The following AHNAK2 variants were observed in gnomAD, a reference collection of about 807,000 sequenced individuals.
The protein encoded by AHNAK2 is protein AHNAK2.
In AHNAK2, 18 loss-of-function variants were observed where a neutral mutation model predicts 30.7. The ratio of observed to expected loss-of-function variants is 0.59; its 90% CI spans 0.41 to 0.87. The LOEUF is 0.87. Ranked by LOEUF, AHNAK2 falls within the 40% of genes least tolerant of loss-of-function variation. The pLI is 0.00. For synonymous variants in AHNAK2, 3,590 were observed against 3,073.8 expected (o/e 1.17, Z -5.56); for missense variants, 8,604 against 7,373.0 (o/e 1.17, Z -6.11).
Position 104,945,131 on chromosome 14 carries a change from C to G in AHNAK2, c.10320G>C (p.Glu3440Asp). 3 of 1,613,336 alleles carry G rather than the reference C, an allele frequency of 1.9e-6. No individual in the cohort carries two copies. The highest frequency in any genetic ancestry group is 2.5e-6 in the Non-Finnish European group (3 of 1,179,778). ...PDVEVSLPSVEVDVQAPRAKL... is the reference protein window; with the variant it reads ...PDVEVSLPSVDVDVQAPRAKL... ...TGGCTCTCGGGGCCTGGACGTCCACCTCCACGCTGGGCAGAGACACCTCCA... is the reference window on the plus strand; with the variant it reads ...TGGCTCTCGGGGCCTGGACGTCCACGTCCACGCTGGGCAGAGACACCTCCA... The change falls in exon 7 of 7, where the codon GAG (glutamate) becomes GAC (aspartate). Residue 3440 changes from glutamate to aspartate, a missense_variant. Glu to Asp is a conservative substitution (Grantham distance 45). Coordinates refer to ENST00000333244, the MANE Select transcript of AHNAK2 (RefSeq NM_138420.4).
rs1898168559 is a variant in AHNAK2 at position 104,944,793 on chromosome 14, T to C, written c.10658A>G (p.Lys3553Arg). 1 of 1,612,870 alleles carries C rather than the reference T, an allele frequency of 6.2e-7. No individual in the cohort carries two copies. The highest frequency in any genetic ancestry group is 1.3e-5 in the African/African-American group (1 of 74,758). Residue 3553 changes from lysine (K) to arginine (R), a missense_variant, in exon 7 of 7, where the codon AAA becomes AGA. Transcript: ENST00000333244. The stretch of plus-strand genomic sequence containing the variant: ...CATCTCCACTTTGGGCAGGTGCCCT[T>C]TGAGGCCGGCTCCCTCGGGCACGGG... ...EGPVPEGAGL[K>R]GHLPKVEMPS...
chr14:104,951,520 C>T lies in AHNAK2; in HGVS notation c.3931G>A (p.Asp1311Asn), dbSNP rs560376223. The T allele has an allele frequency of 8.0e-7, 1 of 1,247,946 alleles. No homozygotes were observed. Among genetic ancestry groups the T allele is most frequent in the East Asian group, 2.2e-5 (1 of 44,480 alleles). The allele number at this position is 1,247,946 out of a possible 1,614,324, so 77.3% of individuals were successfully genotyped here. ...PGAKLDGAQL[D>N]GDLSLADKDV... ...TTGTCAGCCAGGGACAGGTCCCCGT[C>T]CAGCTGTGCGCCATCCAACTTGGCT... Residue 1311 changes from aspartate to asparagine, a missense_variant, in exon 7 of 7, where the codon GAC (aspartate) becomes AAC (asparagine). Transcript: ENST00000333244.
chr14:104,964,482 G>A (rs967219817), intron 1 of AHNAK2, among the ~76,000 whole-genome samples: 2 of 151,974 alleles, frequency 1.3e-5, no homozygotes, highest in Non-Finnish European at 2.9e-5. Flanking sequence ...AGAAATATGC[G>A]CACATATGTC....
At position 104,950,488 on chromosome 14, in the gene AHNAK2, C is replaced by A; in HGVS notation, c.4963G>T (p.Asp1655Tyr). 6.3e-7 allele frequency: 1 copy of A among 1,586,994 alleles called. No homozygotes were observed. The highest frequency in any genetic ancestry group is 2.3e-5 in the East Asian group (1 of 44,210). The change falls in exon 7 of 7, where the codon GAC (aspartate) becomes TAC (tyrosine). Residue 1655 changes from aspartate to tyrosine, a missense_variant. Transcript: ENST00000333244. Reference protein sequence around the residue: ...SLADKAVTAKDSKFKMPKFKM... With the variant: ...SLADKAVTAKYSKFKMPKFKM... ...AACTTGGGCATTTTGAACTTGCTGT[C>A]TTTGGCAGTCACCGCCTTGTCGGCC...
chr14:104,951,660 G>A lies in AHNAK2; in HGVS notation c.3791C>T (p.Pro1264Leu). Residue 1264 changes from proline to leucine, a missense_variant, in exon 7 of 7, where the codon CCC (proline) becomes CTC (leucine). By Grantham distance (98) the Pro-to-Leu change is moderately conservative (BLOSUM62 -3). Transcript: ENST00000333244. ...LKMPKVDLKG[P>L]QVEVRGPKLD... ...CTTGGGGCCCCTGACTTCCACCTGGGGGCCCTTGAGGTCCACTTTGGGCAT... is the reference window on the plus strand; with the variant it reads ...CTTGGGGCCCCTGACTTCCACCTGGAGGCCCTTGAGGTCCACTTTGGGCAT... The A allele has an allele frequency of 2.4e-6, 3 of 1,246,408 alleles. 1 individual carries two copies. The highest frequency in any genetic ancestry group is 3.4e-6 in the Non-Finnish European group (3 of 880,800). The allele number at this position is 1,246,408 out of a possible 1,614,324, so 77.2% of individuals were successfully genotyped here.
In AHNAK2 at chr14:104,952,814, A is replaced by C. The variant is rs756461648; in HGVS notation, c.2637T>G (p.Thr879=). 13 of 1,612,054 alleles carry C rather than the reference A, an allele frequency of 8.1e-6. No homozygotes were observed. Among genetic ancestry groups the C allele is most frequent in the Admixed American group, 1.7e-5 (1 of 59,848 alleles). Residue 879 remains threonine (T), a synonymous_variant, in exon 7 of 7, where the codon ACT becomes ACG. Coordinates refer to ENST00000333244, the MANE Select transcript of AHNAK2 (RefSeq NM_138420.4). ...CGGAAGGGGGCTGAATGCTGAGGTC[A>C]GTGGCCTTGAGGTCCCCCTGCATGG... is the stretch of plus-strand genomic sequence containing the variant. ...LSSMQGDLKA[T]DLSIQPPSAD...
Position 104,938,775 on chromosome 14 carries a change from A to G in AHNAK2, c.16676T>C (p.Val5559Ala), listed in dbSNP as rs754857566. ...EEAPIQATPGVDSISGDLQPD... is the reference protein window; with the variant it reads ...EEAPIQATPGADSISGDLQPD... ...CTGGAGATCTCCAGAAATGGAGTCT[A>G]CTCCTGGGGTGGCTTGTATGGGAGC... The change falls in exon 7 of 7, where the codon GTA becomes GCA. Residue 5559 changes from valine to alanine, a missense_variant. Val to Ala is a moderately conservative substitution (Grantham distance 64). Coordinates refer to ENST00000333244, the MANE Select transcript of AHNAK2 (RefSeq NM_138420.4). The G allele has an allele frequency of 3.2e-5, 52 of 1,613,584 alleles. No homozygotes were observed. The Admixed American group carries it at 8.7e-4, about 27-fold the overall frequency.
rs964400001 is a variant in AHNAK2 at position 104,967,897 on chromosome 14, C to T, written c.56-10225G>A. 3.3e-5 allele frequency among the ~76,000 whole-genome samples: 5 copies of T among 152,212 alleles called. No homozygotes were observed. The East Asian group carries it at 7.7e-4, about 23-fold the overall frequency. On this transcript the variant is annotated intron_variant, in intron 1 of 6. Coordinates refer to ENST00000333244, the MANE Select transcript of AHNAK2 (RefSeq NM_138420.4). ...AAGAGCACCGCCTCCCAGGCCCGAG[C>T]TCCTGAGGAAGCCCCGCCTCGGCCG...
At position 104,938,305 on chromosome 14, in the gene AHNAK2, C is replaced by T. The variant is rs373089411; in HGVS notation, c.17146G>A (p.Glu5716Lys). The stretch of plus-strand genomic sequence containing the variant: ...TGTTCTTCCAGCTCTGCCCCATCTT[C>T]GGTGCTTTTGCTTTTCTTGGTAGGA... ...SSPTKKSKST[E>K]DGAELEEQKL... Residue 5716 changes from glutamate (E) to lysine (K), a missense_variant, in exon 7 of 7, where the codon GAA (glutamate) becomes AAA (lysine). By Grantham distance (56) the Glu-to-Lys change is moderately conservative (BLOSUM62 1). Transcript: ENST00000333244. 20 of 1,613,760 alleles carry T rather than the reference C, an allele frequency of 1.2e-5. No homozygotes were observed. The highest frequency in any genetic ancestry group is 6.7e-5 in the African/African-American group (5 of 74,910).
chr14:104,966,171 G>C lies in AHNAK2; in HGVS notation c.56-8499C>G, dbSNP rs1414694824. The stretch of plus-strand genomic sequence containing the variant: ...AGAGAAGGGCAGGAGGTGAGGGCAG[G>C]CAGGGCTGGGTCAGTGCCAGGAGGC... On this transcript the variant is annotated intron_variant, in intron 1 of 6. Coordinates refer to ENST00000333244, the MANE Select transcript of AHNAK2 (RefSeq NM_138420.4). This position sits in a 1 kb window ranked among gnomAD's most constrained non-coding sequence, Gnocchi z 4.3. Among the ~76,000 whole-genome samples the C allele has an allele frequency of 6.6e-6, 1 of 152,150 alleles. No individual in the cohort carries two copies. Among genetic ancestry groups the C allele is most frequent in the African/African-American group, 2.4e-5 (1 of 41,422 alleles).
At chr14:104,967,719 G>C (rs1899342968) in intron 1 of AHNAK2, among the ~76,000 whole-genome samples, 1 of 152,020 alleles carries the variant, frequency 6.6e-6, no homozygotes, top group Non-Finnish European at 1.5e-5. Context: ...GACCCCTCCA[G>C]TCACTGGGCT....
intron 1 of AHNAK2, among the ~76,000 whole-genome samples, chr14:104,963,645 A>C (rs1899212844): frequency 6.6e-6 from 1 of 152,056 alleles, no homozygotes; most frequent in Non-Finnish European, 1.5e-5. Context: ...CCTGGCTAAC[A>C]CGGTGAAACC....
chr14:104,950,823 A>G lies in AHNAK2; in HGVS notation c.4628T>C (p.Ile1543Thr). The change falls in exon 7 of 7, where the codon ATA (isoleucine) becomes ACA (threonine). Residue 1543 changes from isoleucine to threonine, a missense_variant. Coordinates refer to ENST00000333244, the MANE Select transcript of AHNAK2 (RefSeq NM_138420.4). Reference protein sequence around the residue: ...QGDLKATDLSIQPPSADLEVQ... With the variant: ...QGDLKATDLSTQPPSADLEVQ... The stretch of plus-strand genomic sequence containing the variant: ...CTCCAGGTCAGCAGAAGGGGGCTGT[A>G]TGCTCAGGTCAGTGGCCTTGAGGTC... 1 of 1,585,576 alleles carries G rather than the reference A, an allele frequency of 6.3e-7. No individual in the cohort carries two copies. The highest frequency in any genetic ancestry group is 8.6e-7 in the Non-Finnish European group (1 of 1,161,564).
In AHNAK2 at chr14:104,947,175, T is replaced by G. The variant is rs933321758; in HGVS notation, c.8276A>C (p.Asp2759Ala). ...CACTTCCGCCTTGGGGCCTTTCAGG[T>G]CCACGTTGGGGCCCTTAACATCTAT... Reference protein sequence around the residue: ...PQIDVKGPNVDLKGPKAEVTA... With the variant: ...PQIDVKGPNVALKGPKAEVTA... Residue 2759 changes from aspartate to alanine, a missense_variant, in exon 7 of 7, where the codon GAC becomes GCC. Physicochemically the swap from Asp to Ala is moderately radical, Grantham distance 126 (BLOSUM62 -2). Coordinates refer to ENST00000333244, the MANE Select transcript of AHNAK2 (RefSeq NM_138420.4). The G allele has an allele frequency of 6.2e-7, 1 of 1,611,776 alleles. No homozygotes were observed. Among genetic ancestry groups the G allele is most frequent in the Non-Finnish European group, 8.5e-7 (1 of 1,179,466 alleles).
rs766932706 is a variant in AHNAK2, at chr14:104,939,522, A to G, written c.15929T>C (p.Met5310Thr). ...GGTTTCTGGAAGCCTCATGCCAGGC[A>G]TCTGAAAAGGGAGAGGTCCTTTGGA... ...HPSKGPLPFQ[M>T]PGMRLPETQV... is the part of the protein sequence containing the mutation. Residue 5310 changes from methionine (M) to threonine (T), a missense_variant, in exon 7 of 7, where the codon ATG (methionine) becomes ACG (threonine). Met to Thr is a moderately conservative substitution (Grantham distance 81). Transcript: ENST00000333244. 2.0e-5 allele frequency: 32 copies of G among 1,613,810 alleles called. No homozygotes were observed. The highest frequency in any genetic ancestry group is 2.7e-5 in the Non-Finnish European group (32 of 1,179,886).
chr14:104,963,778 T>C (rs1438305253), intron 1 of AHNAK2, among the ~76,000 whole-genome samples: 6 of 145,298 alleles, frequency 4.1e-5, no homozygotes, highest in African/African-American at 7.8e-5. Context: ...TGCAGTGAGC[T>C]GAGATTGCGC....
intron 5 of AHNAK2, 105 bp from the exon 6 acceptor site, chr14:104,955,246 A>C: frequency 7.2e-7 from 1 of 1,387,234 alleles, no homozygotes; most frequent in Admixed American, 2.1e-5. Flanking sequence ...AATAGGGGGA[A>C]TCCCACTGAG....
Position 104,944,199 on chromosome 14 carries a change from T to C in AHNAK2, c.11252A>G (p.Lys3751Arg). 6.2e-7 allele frequency: 1 copy of C among 1,612,788 alleles called. No homozygotes were observed. Among genetic ancestry groups the C allele is most frequent in the Non-Finnish European group, 8.5e-7 (1 of 1,179,496 alleles). The change falls in exon 7 of 7, where the codon AAA (lysine) becomes AGA (arginine). Residue 3751 changes from lysine (K) to arginine (R), a missense_variant. Transcript: ENST00000333244. ...GGCTGTGACTTCCGCCTTGGAGACT[T>C]TTAGGTCCAGCTTGGGGCCCTTGAT... is the stretch of plus-strand genomic sequence containing the variant. ...VDIKGPKLDL[K>R]VSKAEVTAPD...
chr14:104,958,838 G>T (rs1329890774), intron 1 of AHNAK2, among the ~76,000 whole-genome samples: 2 of 152,132 alleles, frequency 1.3e-5, no homozygotes, highest in Non-Finnish European at 2.9e-5. Context: ...GAGAAACACA[G>T]AGATCCACAC....
Sources: allele counts gnomAD v4.1 joint callset (sites outside exome capture counted in the v4.1 genomes callset), GRCh38; gene constraint gnomAD v4.1.1; non-coding constraint Gnocchi (gnomAD v3.1); transcripts MANE v1.5; gene names NCBI Gene and HGNC (gene_info 2026-07-23, HGNC 2026-07-21).